The following CACNA2D3 variants were observed in gnomAD, a reference collection of about 807,000 sequenced individuals.
CACNA2D3 encodes calcium voltage-gated channel auxiliary subunit alpha2delta 3, also known as voltage-dependent calcium channel subunit alpha-2/delta-3.
CACNA2D3 carries 60 observed loss-of-function variants against 160.6 expected under a neutral mutation model. The ratio of observed to expected loss-of-function variants is 0.37; its 90% confidence interval spans 0.30 to 0.46. CACNA2D3 has a LOEUF of 0.46. Ranked by LOEUF, CACNA2D3 falls within the 20% of genes least tolerant of loss-of-function variation. CACNA2D3 has a pLI of 1.00. For missense variants in CACNA2D3, 1,205 were observed against 1,365.0 expected (o/e 0.88, Z 1.85); for synonymous variants, 558 against 492.9 (o/e 1.13, Z -1.75).
At chr3:54,500,578 ATTCCT>A (rs1701278498) in intron 4 of CACNA2D3, among the ~76,000 whole-genome samples, 1 of 86,700 alleles carries the variant, frequency 1.2e-5, no homozygotes, top group Non-Finnish European at 2.2e-5. Flanking sequence ...TTTTCTTTTC[ATTCCT>A]TTCTTTCTTT....
chr3:54,910,796 C>T (rs1339600446), intron 27 of CACNA2D3, among the ~76,000 whole-genome samples: 1 of 152,148 alleles, frequency 6.6e-6, no homozygotes, highest in African/African-American at 2.4e-5. Flanking sequence ...TGCATTCACA[C>T]CCTCCCCCTC....
intron 27 of CACNA2D3, among the ~76,000 whole-genome samples, chr3:54,919,416 G>C (rs1042206950): frequency 2.6e-5 from 4 of 152,218 alleles, no homozygotes; most frequent in African/African-American, 9.7e-5. Context: ...GAATGGTCTT[G>C]GAGTGATCTG....
At chr3:54,159,501 G>A (rs4928001) in intron 2 of CACNA2D3, among the ~76,000 whole-genome samples, 118,718 of 152,174 alleles carry the variant, frequency 0.78, 46,755 homozygotes, top group East Asian at 0.96. Context: ...CATAGCTGAA[G>A]TATATCCTGT....
Position 54,332,138 on chromosome 3 carries a change from A to G in CACNA2D3, c.321+11580A>G, listed in dbSNP as rs543396289. Among the ~76,000 whole-genome samples, 5 of 152,362 alleles carry G rather than the reference A, an allele frequency of 3.3e-5. No homozygotes were observed. In the East Asian group the frequency reaches 7.7e-4, roughly 24 times the overall value. ...AGAGCATTAAGCCTTCATCAACAAC[A>G]ACACAAAGAGCTCACCATGGCAGGA... On this transcript the variant is annotated intron_variant, in intron 3 of 37. Transcript: ENST00000474759.
intron 11 of CACNA2D3, among the ~76,000 whole-genome samples, chr3:54,651,939 A>G (rs964841750): frequency 1.3e-5 from 2 of 152,078 alleles, no homozygotes; most frequent in African/African-American, 4.8e-5. Context: ...TTTGGAAGGG[A>G]TGTTTTGTTC....
At chr3:54,225,768 C>T (rs568041303) in intron 2 of CACNA2D3, among the ~76,000 whole-genome samples, 117 of 151,222 alleles carry the variant, frequency 7.7e-4, no homozygotes, top group Non-Finnish European at 1.3e-3. Context: ...GGTTCTGTTT[C>T]TATTACGCTT....
chr3:54,156,856 C>G (rs1237546333), intron 2 of CACNA2D3, among the ~76,000 whole-genome samples: 2 of 152,242 alleles, frequency 1.3e-5, no homozygotes, highest in African/African-American at 2.4e-5. Flanking sequence ...AACTGCTCAG[C>G]TGAGCCCTTC....
intron 2 of CACNA2D3, among the ~76,000 whole-genome samples, chr3:54,167,869 A>T (rs189857143): frequency 7.8e-4 from 119 of 152,332 alleles, no homozygotes; most frequent in African/African-American, 2.8e-3. Context: ...GGCTCCCTGT[A>T]GATTCTTATC....
chr3:54,366,062 T>C (rs1296661898), intron 3 of CACNA2D3, among the ~76,000 whole-genome samples: 2 of 152,154 alleles, frequency 1.3e-5, no homozygotes, highest in African/African-American at 4.8e-5. Flanking sequence ...AGCTGATGTT[T>C]ACAATATAAT....
chr3:54,924,824 G>A, intron 27 of CACNA2D3: 1 of 1,614,076 alleles, frequency 6.2e-7, no homozygotes, highest in Middle Eastern at 1.7e-4. Flanking sequence ...GGTGGCTTAT[G>A]TTGTTTGATG....
chr3:54,991,476 G>A (rs1424860622), intron 31 of CACNA2D3, among the ~76,000 whole-genome samples: 2 of 152,038 alleles, frequency 1.3e-5, no homozygotes, highest in Non-Finnish European at 2.9e-5. Flanking sequence ...CCCCAACTTG[G>A]CCTCCCAAAG....
chr3:54,306,059 TTAATA>T (rs143563449), intron 2 of CACNA2D3, among the ~76,000 whole-genome samples: 5,673 of 152,218 alleles, frequency 0.037, 360 homozygotes, highest in African/African-American at 0.13. Flanking sequence ...AAACTGAGTT[TTAATA>T]TAATCAGTTT....
intron 2 of CACNA2D3, among the ~76,000 whole-genome samples, chr3:54,203,216 A>T (rs1701208954): frequency 6.6e-6 from 1 of 152,210 alleles, no homozygotes; most frequent in Non-Finnish European, 1.5e-5. Flanking sequence ...GAAAGCCTGA[A>T]CAGAACAAAA....
intron 13 of CACNA2D3, among the ~76,000 whole-genome samples, chr3:54,765,881 A>C (rs1004265106): frequency 1.3e-5 from 2 of 152,180 alleles, no homozygotes; most frequent in Non-Finnish European, 2.9e-5. Flanking sequence ...TGGGCTTTGT[A>C]ATAGATGCTT....
intron 3 of CACNA2D3, among the ~76,000 whole-genome samples, chr3:54,376,447 T>C (rs986613944): frequency 3.9e-5 from 6 of 152,244 alleles, no homozygotes; most frequent in African/African-American, 1.4e-4. Flanking sequence ...ATGGTATCTG[T>C]GCTTTGTTTT....
intron 3 of CACNA2D3, among the ~76,000 whole-genome samples, chr3:54,336,128 C>T (rs1559453535): frequency 6.6e-6 from 1 of 151,856 alleles, no homozygotes; most frequent in Non-Finnish European, 1.5e-5. Context: ...GACTTGTCTG[C>T]AGGGCGGCCC....
At chr3:54,426,394 C>T (rs1235951756) in intron 4 of CACNA2D3, among the ~76,000 whole-genome samples, 2 of 152,074 alleles carry the variant, frequency 1.3e-5, no homozygotes, top group African/African-American at 2.4e-5. Context: ...TTTGCCTTTC[C>T]ACTCCTTTTA....
chr3:54,707,362 C>T (rs1200383750), intron 11 of CACNA2D3, among the ~76,000 whole-genome samples: 3 of 152,128 alleles, frequency 2.0e-5, no homozygotes, highest in Admixed American at 6.5e-5. Flanking sequence ...TGGATGTTCC[C>T]ATTGGCTTTT....
intron 10 of CACNA2D3, chr3:54,634,620 G>A (rs1699322991): frequency 6.6e-6 from 1 of 152,074 alleles, no homozygotes; most frequent in South Asian, 2.1e-4. Flanking sequence ...CGTTTTATAG[G>A]ATTTGGGTAG....
Sources: gnomAD v4.1 joint callset for allele counts (sites outside exome capture counted in the v4.1 genomes callset) on GRCh38, gnomAD v4.1.1 for gene constraint, MANE v1.5 for transcripts, NCBI Gene and HGNC (gene_info 2026-07-23, HGNC 2026-07-21) for gene names.